Variants in USH2A observed in about 807,000 individuals in gnomAD.
The protein encoded by USH2A is Usher syndrome 2A (autosomal recessive, mild).
A neutral mutation model predicts 538.9 loss-of-function variants in USH2A; 443 were observed. The ratio of observed to expected loss-of-function variants is 0.82; its 90% confidence interval spans 0.76 to 0.89. USH2A has a LOEUF of 0.89. USH2A is among the 40% of genes least tolerant of loss of function. The pLI, the probability that USH2A is intolerant of heterozygous loss-of-function variation, is 0.00. For synonymous variants in USH2A, 2,413 were observed against 2,273.5 expected, an observed-to-expected ratio of 1.06 and a Z score of -1.75; for missense variants, 6,633 against 6,324.8, an observed-to-expected ratio of 1.05 and a Z score of -1.65.
At chr1:216,014,486 G>A (rs975199535) in intron 32 of USH2A, among the ~76,000 whole-genome samples, 2 of 152,128 alleles carry the variant, frequency 1.3e-5, no homozygotes, top group African/African-American at 4.8e-5. Context: ...GGCACTTCAA[G>A]GGCAACACAA....
At chr1:216,327,529 T>C (rs2037758907) in intron 5 of USH2A, 62 bp downstream of exon 5, 3 of 1,570,506 alleles carry the variant, frequency 1.9e-6, no homozygotes, top group Admixed American at 1.7e-5. Flanking sequence ...AGTATTCTTA[T>C]TTAAGTGAAT....
Position 216,072,897 on chromosome 1 carries a change from G to A in USH2A, c.5849C>T (p.Thr1950Ile), listed in dbSNP as rs760653366. The A allele has an allele frequency of 6.2e-7, 1 of 1,613,706 alleles. No homozygotes were observed. ...TGAAGATAAGTATTTACCTGCTCCT[G>A]TTGTACGTCCTCGACTCCAATCACT... is the stretch of plus-strand genomic sequence containing the variant. ...VYSDWSRGRT[T>I]GAAPQSVPTP... Residue 1950 changes from threonine (T) to isoleucine (I), a missense_variant, in exon 29 of 72, where the codon ACA becomes ATA. By Grantham distance (89) the Thr-to-Ile change is moderately conservative. Transcript: ENST00000307340.
In USH2A at chr1:215,650,576, T is replaced by C. The variant is rs937499585; in HGVS notation, c.14343+16A>G. On this transcript the variant is annotated intron_variant, in intron 65 of 71. Transcript: ENST00000307340. ...TAAAAGTCAACCAGTCCTGGATTTT[T>C]AGCTCTGCTGCTCACCACTGTCTCA... The C allele has an allele frequency of 6.2e-7, 1 of 1,614,184 alleles. No individual in the cohort carries two copies. Among genetic ancestry groups the C allele is most frequent in the Non-Finnish European group, 8.5e-7 (1 of 1,180,008 alleles).
At chr1:215,975,155 T>C (rs1667591879) in intron 35 of USH2A, among the ~76,000 whole-genome samples, 2 of 152,188 alleles carry the variant, frequency 1.3e-5, no homozygotes, top group African/African-American at 4.8e-5. Flanking sequence ...TTCATGTCTT[T>C]TACCCACTTT....
intron 20 of USH2A, among the ~76,000 whole-genome samples, chr1:216,179,433 A>G (rs1372669952): frequency 6.6e-6 from 1 of 152,132 alleles, no homozygotes; most frequent in African/African-American, 2.4e-5. Flanking sequence ...TATTCCATCT[A>G]GCAATGGGAC....
chr1:216,305,569 T>C (rs2037300535), intron 9 of USH2A, among the ~76,000 whole-genome samples: 1 of 151,680 alleles, frequency 6.6e-6, no homozygotes, highest in African/African-American at 2.4e-5. Context: ...GTTGCCTGAA[T>C]GCTTTTTTTT....
chr1:215,983,568 C>T (rs1311889833), intron 35 of USH2A, among the ~76,000 whole-genome samples: 1 of 152,100 alleles, frequency 6.6e-6, no homozygotes, highest in Admixed American at 6.6e-5. Flanking sequence ...TCTTGCCACT[C>T]TTAGCATGAA....
intron 19 of USH2A, among the ~76,000 whole-genome samples, chr1:216,194,566 CAT>C (rs1302988668): frequency 1.3e-5 from 2 of 151,992 alleles, no homozygotes; most frequent in Non-Finnish European, 1.5e-5. Flanking sequence ...AGAGGTAAGA[CAT>C]ATGTGTTCTA....
In USH2A at chr1:216,036,283, C is replaced by G. The variant is rs571988952; in HGVS notation, c.6325+10148G>C. On this transcript the variant is annotated intron_variant, in intron 32 of 71. Transcript: ENST00000307340. ...TTGGGAATAACATTACAAAAAGAATCTGACTTCTAATATCCAAACTGTAGA... is the reference window on the plus strand; with the variant it reads ...TTGGGAATAACATTACAAAAAGAATGTGACTTCTAATATCCAAACTGTAGA... Among the ~76,000 whole-genome samples the G allele has an allele frequency of 1.3e-3, 193 of 152,090 alleles. 1 individual carries two copies. Among genetic ancestry groups the G allele is most frequent in the African/African-American group, 4.5e-3 (188 of 41,506 alleles).
intron 2 of USH2A, among the ~76,000 whole-genome samples, chr1:216,419,978 C>A (rs575046730): frequency 6.6e-6 from 1 of 152,066 alleles, no homozygotes; most frequent in African/African-American, 2.4e-5. Flanking sequence ...GTTATGAGTG[C>A]AAGTATATTT....
intron 21 of USH2A, among the ~76,000 whole-genome samples, chr1:216,123,464 G>C (rs2102596331): frequency 6.6e-6 from 1 of 152,258 alleles, no homozygotes; most frequent in South Asian, 2.1e-4. Context: ...ATTTCCAAGA[G>C]CTGTTGCAAT....
chr1:216,158,924 C>T (rs1338608394), intron 21 of USH2A, among the ~76,000 whole-genome samples: 1 of 152,146 alleles, frequency 6.6e-6, no homozygotes, highest in East Asian at 1.9e-4. Flanking sequence ...TCCTACATTA[C>T]CTTTTAGCAG....
chr1:215,810,160 A>G, intron 49 of USH2A, among the ~76,000 whole-genome samples: 1 of 152,186 alleles, frequency 6.6e-6, no homozygotes, highest in East Asian at 1.9e-4. Flanking sequence ...GGCATGCTCA[A>G]TGGTTTGGTA....
intron 55 of USH2A, among the ~76,000 whole-genome samples, chr1:215,775,272 T>C (rs1050805161): frequency 1.3e-5 from 2 of 152,216 alleles, no homozygotes; most frequent in African/African-American, 4.8e-5. Flanking sequence ...TCTGCTTCCA[T>C]TGTCTTGAAA....
At chr1:216,155,250 A>G (rs1465793090) in intron 21 of USH2A, among the ~76,000 whole-genome samples, 1 of 152,096 alleles carries the variant, frequency 6.6e-6, no homozygotes, top group Admixed American at 6.6e-5. Flanking sequence ...CCACCTTCAT[A>G]AGACTAATGA....
intron 38 of USH2A, among the ~76,000 whole-genome samples, chr1:215,914,105 G>T (rs561582871): frequency 8.4e-6 from 1 of 119,040 alleles, no homozygotes; most frequent in Admixed American, 1.1e-4. Context: ...ACAGAGTCTC[G>T]CTCTGTCACC....
chr1:215,898,862 T>C (rs1665416882), intron 40 of USH2A, among the ~76,000 whole-genome samples: 1 of 152,194 alleles, frequency 6.6e-6, no homozygotes, highest in Admixed American at 6.5e-5. Context: ...GAATTAATGC[T>C]TTCTGGACTT....
At chr1:215,727,027 T>C (rs1659841325) in intron 61 of USH2A, among the ~76,000 whole-genome samples, 2 of 152,192 alleles carry the variant, frequency 1.3e-5, no homozygotes, top group South Asian at 4.1e-4. Flanking sequence ...CATGAGGTTA[T>C]GCTGGACATA....
intron 32 of USH2A, among the ~76,000 whole-genome samples, chr1:216,024,192 A>G (rs1668909778): frequency 6.6e-6 from 1 of 152,140 alleles, no homozygotes; most frequent in South Asian, 2.1e-4. Context: ...AAACAAAACA[A>G]AAGAGGAGAC....
Sources: gnomAD v4.1 joint callset for allele counts (sites outside exome capture counted in the v4.1 genomes callset) on GRCh38, gnomAD v4.1.1 for gene constraint, MANE v1.5 for transcripts, NCBI Gene and HGNC (gene_info 2026-07-23, HGNC 2026-07-21) for gene names.